Variants in SPECC1 observed in about 807,000 individuals in gnomAD.
The protein encoded by SPECC1 is cytospin-B.
A neutral mutation model predicts 104.1 loss-of-function variants in SPECC1; 62 were observed. That is an observed-to-expected ratio of 0.60 (90% CI 0.49 to 0.74). The LOEUF is 0.74. Ranked by LOEUF, SPECC1 falls within the 30% of genes least tolerant of loss-of-function variation. SPECC1 has a pLI of 0.00. For synonymous variants in SPECC1, 513 were observed against 501.6 expected (o/e 1.02, Z -0.30); for missense variants, 1,306 against 1,310.5 (o/e 1.00, Z 0.05).
chr17:20,208,741 T>C (rs376517899), intron 4 of SPECC1, among the ~76,000 whole-genome samples: 1 of 152,246 alleles, frequency 6.6e-6, no homozygotes, highest in South Asian at 2.1e-4. Context: ...GTATGTTTTT[T>C]GTAGGCATTT....
intron 12 of SPECC1, among the ~76,000 whole-genome samples, chr17:20,277,770 C>G (rs1044077295): frequency 5.3e-5 from 8 of 151,876 alleles, no homozygotes; most frequent in Non-Finnish European, 7.3e-5. Context: ...AACCACCGTT[C>G]CGCTTCGTCT....
intron 1 of SPECC1, among the ~76,000 whole-genome samples, chr17:20,032,086 C>G (rs2044838582): frequency 6.6e-6 from 1 of 152,080 alleles, no homozygotes; most frequent in Non-Finnish European, 1.5e-5. Flanking sequence ...TGTTATCATT[C>G]ATTGTTTCTG....
rs2703806 is a variant in SPECC1 at position 20,204,926 on chromosome 17, A to T, written c.877A>T (p.Met293Leu). 1,013,003 of 1,613,774 alleles carry T rather than the reference A, an allele frequency of 0.63. 327,072 individuals are homozygous for T. Among genetic ancestry groups the T allele is most frequent in the East Asian group, 0.99 (44,468 of 44,878 alleles). Residue 293 changes from methionine (M) to leucine (L), a missense_variant, in exon 4 of 15, where the codon ATG becomes TTG. This residue lies in a region of SPECC1 where 1,177 missense variants were observed against 1,139.9 expected (regional missense o/e 1.03). Transcript: ENST00000395527. ...CTTCGGAAGCCCAACTGGAAATCAGATGTCCAGTGACATTGATGAGTATAA... is the reference window on the plus strand; with the variant it reads ...CTTCGGAAGCCCAACTGGAAATCAGTTGTCCAGTGACATTGATGAGTATAA... Reference protein sequence around the residue: ...SSFGSPTGNQMSSDIDEYKKN... With the variant: ...SSFGSPTGNQLSSDIDEYKKN...
intron 9 of SPECC1, among the ~76,000 whole-genome samples, chr17:20,248,216 G>A (rs956229555): frequency 4.6e-5 from 7 of 152,154 alleles, no homozygotes; most frequent in African/African-American, 1.7e-4. Flanking sequence ...GCTGCAGAAG[G>A]GAAGCCTTAC....
At chr17:20,046,277 AT>A (rs1222070456) in intron 1 of SPECC1, among the ~76,000 whole-genome samples, 1 of 151,944 alleles carries the variant, frequency 6.6e-6, no homozygotes, top group Non-Finnish European at 1.5e-5. Flanking sequence ...AATTAATATT[AT>A]TTTTACATTA....
intron 12 of SPECC1, among the ~76,000 whole-genome samples, chr17:20,271,137 G>C (rs1194843305): frequency 6.6e-6 from 1 of 151,710 alleles, no homozygotes; most frequent in Admixed American, 6.6e-5. Flanking sequence ...CAGAGATCCT[G>C]ATGAGCAAAG....
chr17:20,123,446 C>CCAGTTA (rs2049135611), intron 3 of SPECC1, among the ~76,000 whole-genome samples: 1 of 152,170 alleles, frequency 6.6e-6, no homozygotes, highest in Non-Finnish European at 1.5e-5. Flanking sequence ...ATACCTGGAC[C>CCAGTTA]CCTGCATGCT....
At chr17:20,113,923 C>T (rs1342586988) in intron 3 of SPECC1, among the ~76,000 whole-genome samples, 1 of 152,144 alleles carries the variant, frequency 6.6e-6, no homozygotes, top group East Asian at 1.9e-4. Flanking sequence ...ATAGGGCCAT[C>T]TTAGAAATAG....
At chr17:20,180,616 T>C (rs1184745392) in intron 3 of SPECC1, among the ~76,000 whole-genome samples, 1 of 152,272 alleles carries the variant, frequency 6.6e-6, no homozygotes, top group South Asian at 2.1e-4. Context: ...AATTATATGG[T>C]GAGAGACCAG....
At chr17:20,280,639 A>G (rs905108264) in intron 12 of SPECC1, among the ~76,000 whole-genome samples, 2 of 152,266 alleles carry the variant, frequency 1.3e-5, no homozygotes, top group Admixed American at 1.3e-4. Context: ...CCAATCCTGT[A>G]GCCACAGGTG....
chr17:20,225,838 T>C (rs1454064674), intron 4 of SPECC1, among the ~76,000 whole-genome samples: 1 of 152,208 alleles, frequency 6.6e-6, no homozygotes, highest in Non-Finnish European at 1.5e-5. Context: ...TTTGGCCATG[T>C]TGTTCTGTCT....
intron 9 of SPECC1, among the ~76,000 whole-genome samples, chr17:20,251,036 G>C (rs1323315321): frequency 6.6e-6 from 1 of 151,862 alleles, no homozygotes; most frequent in African/African-American, 2.4e-5. Flanking sequence ...AGACCACTCT[G>C]GTCACCATGG....
At chr17:20,209,205 C>T (rs796344549) in intron 4 of SPECC1, among the ~76,000 whole-genome samples, 3 of 152,266 alleles carry the variant, frequency 2.0e-5, no homozygotes, top group African/African-American at 7.2e-5. Context: ...AATATAGCTG[C>T]CTTCAGCAGG....
intron 1 of SPECC1, among the ~76,000 whole-genome samples, chr17:20,088,868 G>C (rs186994883): frequency 2.0e-5 from 3 of 152,348 alleles, no homozygotes; most frequent in Admixed American, 2.0e-4. Flanking sequence ...CCTCATGAAT[G>C]GGATTGTGCT....
intron 3 of SPECC1, among the ~76,000 whole-genome samples, chr17:20,120,862 G>A (rs138148528): frequency 3.3e-5 from 5 of 152,284 alleles, no homozygotes; most frequent in Non-Finnish European, 7.4e-5. Flanking sequence ...TACTCCAGGA[G>A]AAATCATGTA....
At chr17:20,138,501 A>G (rs2030317757) in intron 3 of SPECC1, among the ~76,000 whole-genome samples, 1 of 152,100 alleles carries the variant, frequency 6.6e-6, no homozygotes, top group Non-Finnish European at 1.5e-5. Flanking sequence ...CACTGCCCCC[A>G]AAATCCTCTG....
intron 3 of SPECC1, among the ~76,000 whole-genome samples, chr17:20,168,806 G>A (rs2033862784): frequency 6.6e-6 from 1 of 152,158 alleles, no homozygotes; most frequent in South Asian, 2.1e-4. Flanking sequence ...ATATGTATGT[G>A]TATGCTTATA....
chr17:20,273,008 C>T (rs1475398751), intron 12 of SPECC1, among the ~76,000 whole-genome samples: 1 of 152,194 alleles, frequency 6.6e-6, no homozygotes, highest in Admixed American at 6.5e-5. Context: ...AGCTGACCCC[C>T]TCCCTGGCCT....
At chr17:20,247,149 A>C in intron 8 of SPECC1, 70 bp from the exon 9 acceptor site, 1 of 1,253,908 alleles carries the variant, frequency 8.0e-7, no homozygotes, top group Admixed American at 2.1e-5. Context: ...AGTAACAAGA[A>C]ATCAGGAACA....
Sources: gnomAD v4.1 joint callset for allele counts (sites outside exome capture counted in the v4.1 genomes callset) on GRCh38, gnomAD v4.1.1 for gene constraint, gnomAD v4.1.1 regional missense constraint, MANE v1.5 for transcripts, NCBI Gene and HGNC (gene_info 2026-07-23, HGNC 2026-07-21) for gene names.